Variants in VPS26C observed in about 807,000 individuals in gnomAD.
VPS26C encodes VPS26 endosomal protein sorting factor C.
In VPS26C, 19 loss-of-function variants were observed where a neutral mutation model predicts 30.6. The observed-to-expected ratio is 0.62, with a 90% CI of 0.43 to 0.91. The LOEUF (loss-of-function observed/expected upper bound fraction) is 0.91. VPS26C is among the 40% of genes least tolerant of loss of function. The probability of loss-of-function intolerance (pLI) is 0.00; values close to 1 mark genes in which losing one functional copy is unlikely to be tolerated. For missense variants in VPS26C, 318 were observed against 385.1 expected, an observed-to-expected ratio of 0.83 and a Z score of 1.46; for synonymous variants, 132 against 151.5, an observed-to-expected ratio of 0.87 and a Z score of 0.95.
intron 1 of VPS26C, among the ~76,000 whole-genome samples, chr21:37,252,035 G>A (rs1319357824): frequency 6.6e-6 from 1 of 152,132 alleles, no homozygotes; most frequent in East Asian, 1.9e-4. Context: ...ATCTGAACAA[G>A]GCCTTCCCTC....
intron 3 of VPS26C, among the ~76,000 whole-genome samples, chr21:37,236,911 C>T (rs1020805221): frequency 6.6e-6 from 1 of 152,218 alleles, no homozygotes; most frequent in Admixed American, 6.5e-5. Context: ...CCAATGTACA[C>T]ACAGCTCTGC....
At chr21:37,262,154 C>T (rs920686426) in intron 1 of VPS26C, among the ~76,000 whole-genome samples, 2 of 152,072 alleles carry the variant, frequency 1.3e-5, no homozygotes, top group South Asian at 4.1e-4. Flanking sequence ...CTGTTGCTGC[C>T]AGATTAGATG....
chr21:37,238,499 A>G lies in VPS26C; in HGVS notation c.312T>C (p.Val104=). The G allele has an allele frequency of 1.2e-6, 2 of 1,614,140 alleles. No individual in the cohort carries two copies. Among genetic ancestry groups the G allele is most frequent in the South Asian group, 1.1e-5 (1 of 91,064 alleles). The change falls in exon 3 of 8, where the codon GTT becomes GTC. Residue 104 remains valine (V), a synonymous_variant. Coordinates refer to ENST00000309117, the MANE Select transcript of VPS26C (RefSeq NM_006052.2). ...ACACGCCATGATACGTCTCATACAG[A>G]ACTTTGTTACCCTTCAAGTGCAGAG... The part of the protein sequence containing the change: ...EFPLHLKGNK[V]LYETYHGVFV...
intron 1 of VPS26C, among the ~76,000 whole-genome samples, chr21:37,250,122 G>A (rs576193901): frequency 6.6e-6 from 1 of 152,068 alleles, no homozygotes; most frequent in African/African-American, 2.4e-5. Flanking sequence ...TGGCCAACAT[G>A]GTGAAACACC....
chr21:37,254,092 A>C (rs1211475431), intron 1 of VPS26C, among the ~76,000 whole-genome samples: 1 of 152,222 alleles, frequency 6.6e-6, no homozygotes, highest in Non-Finnish European at 1.5e-5. Flanking sequence ...TGGCATAATT[A>C]CAGGCCAAAG....
chr21:37,228,200 A>AGGCCT, intron 6 of VPS26C, 23 bp downstream of exon 6: 1 of 1,606,044 alleles, frequency 6.2e-7, no homozygotes, highest in Admixed American at 1.7e-5. Context: ...GGCAAGCGCC[A>AGGCCT]GGCCTGGTGG....
intron 1 of VPS26C, among the ~76,000 whole-genome samples, chr21:37,263,318 C>T (rs1197677055): frequency 6.6e-6 from 1 of 152,136 alleles, no homozygotes; most frequent in Non-Finnish European, 1.5e-5. Context: ...TGAAATATCA[C>T]AATGTTATTC....
rs1276071882 is a variant in VPS26C, at chr21:37,267,333, G to A, written c.-39C>T. 2.4e-5 allele frequency: 38 copies of A among 1,593,270 alleles called. No individual in the cohort carries two copies. Among genetic ancestry groups the A allele is most frequent in the Non-Finnish European group, 3.2e-5 (37 of 1,161,566 alleles). ...CAGCAGCCGCCACTTCCGGCTGCGC[G>A]TGACCCCAGGGAAACAAGGGGCGCC... On this transcript the variant is annotated 5_prime_UTR_variant, in exon 1 of 8. In the 5' UTR this introduces an upstream ATG that the reference lacks. Coordinates refer to ENST00000309117, the MANE Select transcript of VPS26C (RefSeq NM_006052.2).
At chr21:37,235,872 TATATATA>T (rs370827256) in intron 3 of VPS26C, among the ~76,000 whole-genome samples, 9,914 of 89,972 alleles carry the variant, frequency 0.11, 495 homozygotes, top group East Asian at 0.32. Context: ...TATATATATA[TATATATA>T]TTTTTTTTTT....
At chr21:37,245,208 C>T (rs931837361) in intron 1 of VPS26C, among the ~76,000 whole-genome samples, 1 of 152,178 alleles carries the variant, frequency 6.6e-6, no homozygotes, top group Admixed American at 6.5e-5. Flanking sequence ...GAGAGAAATA[C>T]GAGTGGCAGA....
chr21:37,253,701 A>G (rs1459291734), intron 1 of VPS26C, among the ~76,000 whole-genome samples: 1 of 152,228 alleles, frequency 6.6e-6, no homozygotes, highest in Non-Finnish European at 1.5e-5. Context: ...AATAGAGACT[A>G]CCTGATTTCA....
rs373901692 is a variant in VPS26C at position 37,227,810 on chromosome 21, C to A, written c.659-4G>T. The A allele has an allele frequency of 2.4e-5, 38 of 1,612,554 alleles. No individual in the cohort carries two copies. Among genetic ancestry groups the A allele is most frequent in the Non-Finnish European group, 3.1e-5 (37 of 1,179,824 alleles). ...CGGGCATAGCCTTCTGCACACCCTG[C>A]GGGAGGGAGGCCACATCACGCGGTC... On this transcript the variant is annotated splice_polypyrimidine_tract_variant and splice_region_variant and intron_variant, in intron 6 of 7. Transcript: ENST00000309117.
At position 37,265,802 on chromosome 21, in the gene VPS26C, C is replaced by G. The variant is rs141876669; in HGVS notation, c.57+1436G>C. 2.0e-5 allele frequency among the ~76,000 whole-genome samples: 3 copies of G among 151,890 alleles called. No homozygotes were observed. The South Asian group carries it at 6.2e-4, about 32-fold the overall frequency. On this transcript the variant is annotated intron_variant, in intron 1 of 7. Coordinates refer to ENST00000309117, the MANE Select transcript of VPS26C (RefSeq NM_006052.2). ...CTCTGTGCATCATGCCAAGGGGTAC[C>G]GAATGTCAGTCGTCTCATTAGTTGT...
chr21:37,232,580 G>A (rs781661905), intron 4 of VPS26C, 129 bp from the exon 5 acceptor site: 17 of 752,872 alleles, frequency 2.3e-5, no homozygotes, highest in Middle Eastern at 2.4e-4. Flanking sequence ...ACTAAGAGGC[G>A]CAAGCCTGGG....
chr21:37,228,501 A>G, intron 5 of VPS26C, 128 bp from the exon 6 acceptor site: 1 of 1,019,806 alleles, frequency 9.8e-7, no homozygotes, highest in Non-Finnish European at 1.4e-6. Context: ...ACCGTCTCAC[A>G]AAACGGGAAG....
At chr21:37,243,029 C>T (rs538558742) in intron 1 of VPS26C, among the ~76,000 whole-genome samples, 18 of 152,170 alleles carry the variant, frequency 1.2e-4, no homozygotes, top group African/African-American at 3.1e-4. Flanking sequence ...CACCTGAGGC[C>T]GAGGGCCAAG....
chr21:37,239,617 T>C (rs889279770), intron 2 of VPS26C, among the ~76,000 whole-genome samples: 2 of 152,066 alleles, frequency 1.3e-5, no homozygotes, highest in Non-Finnish European at 2.9e-5. Flanking sequence ...TTTTTTTTTT[T>C]TTGGAGATGG....
At chr21:37,240,413 C>CT (rs2086073257) in intron 2 of VPS26C, 83 bp downstream of exon 2, 1 of 1,509,834 alleles carries the variant, frequency 6.6e-7, no homozygotes, top group Non-Finnish European at 9.0e-7. Context: ...GCCTGAGCCA[C>CT]TGCGCCTGGC....
upstream of VPS26C, chr21:37,267,426 G>A: frequency 1.3e-6 from 1 of 754,686 alleles, no homozygotes. Context: ...ACCTCGCAGC[G>A]GCGTCGCACA....
Sources: allele counts gnomAD v4.1 joint callset (sites outside exome capture counted in the v4.1 genomes callset), GRCh38; gene constraint gnomAD v4.1.1; transcripts MANE v1.5; gene names NCBI Gene and HGNC (gene_info 2026-07-23, HGNC 2026-07-21).